Variants in ANKS3 observed in about 807,000 individuals in gnomAD.
The protein encoded by ANKS3 is ankyrin repeat and SAM domain-containing protein 3.
ANKS3 carries 62 observed loss-of-function variants against 80.7 expected under a neutral mutation model. That is an observed-to-expected ratio of 0.77 (90% CI 0.63 to 0.95). The LOEUF is 0.95. Among genes scored for constraint, ANKS3 ranks in the 40% least tolerant of loss-of-function variants. ANKS3 has a pLI of 0.00. For missense variants in ANKS3, 1,150 were observed against 883.6 expected, an observed-to-expected ratio of 1.30 and a Z score of -3.82; for synonymous variants, 489 against 355.3, an observed-to-expected ratio of 1.38 and a Z score of -4.23.
intron 8 of ANKS3, among the ~76,000 whole-genome samples, chr16:4,703,915 T>C (rs899189978): frequency 1.3e-5 from 2 of 152,238 alleles, no homozygotes; most frequent in Admixed American, 1.3e-4. Context: ...TACAGCTATA[T>C]AGATTAATTA....
Position 4,701,080 on chromosome 16 carries a change from T to C in ANKS3, c.1174A>G (p.Lys392Glu). ...CACTGGCTGTCAGGATTCTTGGTCT[T>C]CATGTAACTTTTAGCTTGTTTGCGA... is the stretch of plus-strand genomic sequence containing the variant. ...SARKQAKSYM[K>E]TKNPDSQWPP... Residue 392 changes from lysine to glutamate, a missense_variant, in exon 11 of 18, where the codon AAG becomes GAG. Physicochemically the swap from Lys to Glu is moderately conservative, Grantham distance 56. Coordinates refer to ENST00000304283, the MANE Select transcript of ANKS3 (RefSeq NM_133450.4). 1 of 1,614,076 alleles carries C rather than the reference T, an allele frequency of 6.2e-7. No individual in the cohort carries two copies. Among genetic ancestry groups the C allele is most frequent in the Non-Finnish European group, 8.5e-7 (1 of 1,180,020 alleles).
intron 8 of ANKS3, 40 bp downstream of exon 8, chr16:4,705,055 T>A (rs765773002): frequency 1.9e-6 from 3 of 1,602,648 alleles, no homozygotes; most frequent in Non-Finnish European, 2.6e-6. Context: ...AATCCTGGTA[T>A]GCAATGAGAA....
chr16:4,716,491 G>C (rs1371806960), intron 6 of ANKS3, among the ~76,000 whole-genome samples: 1 of 152,118 alleles, frequency 6.6e-6, no homozygotes, highest in Non-Finnish European at 1.5e-5. Flanking sequence ...GGGAGGCAGA[G>C]GTGGTCTCTG....
intron 15 of ANKS3, 119 bp from the exon 16 acceptor site, chr16:4,697,535 G>T: frequency 1.2e-6 from 1 of 820,924 alleles, no homozygotes; most frequent in Non-Finnish European, 1.8e-6. Flanking sequence ...CTACCCGCCT[G>T]ACAGTGTCTA....
intron 9 of ANKS3, 162 bp from the exon 10 acceptor site, chr16:4,701,705 T>C (rs2079916516): frequency 3.4e-6 from 2 of 587,392 alleles, no homozygotes; most frequent in Non-Finnish European, 2.9e-6. Flanking sequence ...CTCCCCTCTA[T>C]ACAGACGGGC....
intron 3 of ANKS3, 26 bp downstream of exon 3, chr16:4,729,954 A>G (rs781668680): frequency 6.9e-7 from 1 of 1,453,106 alleles, no homozygotes; most frequent in East Asian, 2.5e-5. Context: ...TCAAAATGTG[A>G]GAGGAAGTTC....
chr16:4,706,564 A>G (rs1274779999), intron 7 of ANKS3, among the ~76,000 whole-genome samples: 1 of 152,196 alleles, frequency 6.6e-6, no homozygotes, highest in African/African-American at 2.4e-5. Flanking sequence ...AAAGCATGGC[A>G]TGTGTTTGCT....
At chr16:4,708,531 A>T (rs925695564) in intron 7 of ANKS3, among the ~76,000 whole-genome samples, 11 of 152,246 alleles carry the variant, frequency 7.2e-5, no homozygotes, top group African/African-American at 2.4e-4. Flanking sequence ...AAATAAAAAT[A>T]AAAGCAGAAA....
At position 4,696,722 on chromosome 16, in the gene ANKS3, C is replaced by G. The variant is rs963896555; in HGVS notation, c.*186G>C. On this transcript the variant is annotated 3_prime_UTR_variant, in exon 18 of 18. Coordinates refer to ENST00000304283, the MANE Select transcript of ANKS3 (RefSeq NM_133450.4). ...CCCTCGTCCCGCCTCAGTGCTGGCC[C>G]GAGCTGCCGAGCCAGGGCCGCAGCC... 6 of 479,814 alleles carry G rather than the reference C, an allele frequency of 1.3e-5. No homozygotes were observed. The East Asian group carries it at 1.6e-4, about 13-fold the overall frequency. 29.7% of individuals were successfully genotyped at this position (479,814 alleles called of 1,614,324 possible). A position where few individuals can be genotyped will look rare whatever the true frequency, so the allele number is the denominator to read the frequency against.
chr16:4,697,320 C>T lies in ANKS3; in HGVS notation c.1894+13G>A. ...AAAAGGAGCGCTCAGTCGTCTGGTCCCCGGAGACTCACCCATCTCACGGAC... is the reference window on the plus strand; with the variant it reads ...AAAAGGAGCGCTCAGTCGTCTGGTCTCCGGAGACTCACCCATCTCACGGAC... On this transcript the variant is annotated intron_variant, in intron 16 of 17. Coordinates refer to ENST00000304283, the MANE Select transcript of ANKS3 (RefSeq NM_133450.4). 1.3e-6 allele frequency: 2 copies of T among 1,596,080 alleles called. No homozygotes were observed. Among genetic ancestry groups the T allele is most frequent in the Non-Finnish European group, 1.7e-6 (2 of 1,169,696 alleles).
chr16:4,731,925 G>C (rs911883405), intron 1 of ANKS3, among the ~76,000 whole-genome samples: 1 of 152,164 alleles, frequency 6.6e-6, no homozygotes, highest in African/African-American at 2.4e-5. Flanking sequence ...AGGAAACAAG[G>C]GTAGGAAAGG....
chr16:4,721,301 T>C (rs369260866), intron 6 of ANKS3, among the ~76,000 whole-genome samples: 4 of 126,200 alleles, frequency 3.2e-5, no homozygotes, highest in Admixed American at 1.7e-4. Context: ...CAAGACGCCA[T>C]CTCAAAAAAA....
chr16:4,722,717 A>C (rs2081166430), intron 6 of ANKS3, among the ~76,000 whole-genome samples: 1 of 151,970 alleles, frequency 6.6e-6, no homozygotes, highest in South Asian at 2.1e-4. Context: ...CAGGAGTTCA[A>C]GAGCAGCCTG....
chr16:4,732,227 G>A (rs1042947483), intron 1 of ANKS3, among the ~76,000 whole-genome samples: 1 of 152,156 alleles, frequency 6.6e-6, no homozygotes, highest in Admixed American at 6.6e-5. Context: ...TCACTTTGCA[G>A]GTGAGAATCC....
chr16:4,702,894 T>C (rs977977290), intron 8 of ANKS3, among the ~76,000 whole-genome samples: 2 of 152,082 alleles, frequency 1.3e-5, no homozygotes, highest in African/African-American at 4.8e-5. Context: ...TCTCAGCTAC[T>C]TGGGAGGCTG....
rs1310557273 is a variant in ANKS3, at chr16:4,697,339, C to T, written c.1888G>A (p.Glu630Lys). ...LSGALEDRVREMGQALCLVTQ... is the reference protein window; with the variant it reads ...LSGALEDRVRKMGQALCLVTQ... Reference sequence around the variant, plus strand: ...CTGGTCCCCGGAGACTCACCCATCTCACGGACACGGTCCTCCAGGGCTCCC... The same window carrying T: ...CTGGTCCCCGGAGACTCACCCATCTTACGGACACGGTCCTCCAGGGCTCCC... Residue 630 changes from glutamate to lysine, a missense_variant, in exon 16 of 18, where the codon GAG becomes AAG. Physicochemically the swap from Glu to Lys is moderately conservative, Grantham distance 56 (BLOSUM62 1). Transcript: ENST00000304283. The T allele has an allele frequency of 6.2e-7, 1 of 1,605,506 alleles. No homozygotes were observed. Among genetic ancestry groups the T allele is most frequent in the African/African-American group, 1.3e-5 (1 of 74,726 alleles).
In ANKS3 at chr16:4,700,919, A is replaced by C. The variant is rs752829122; in HGVS notation, c.1284+51T>G. On this transcript the variant is annotated intron_variant, in intron 11 of 17. Coordinates refer to ENST00000304283, the MANE Select transcript of ANKS3 (RefSeq NM_133450.4). Reference sequence around the variant, plus strand: ...ATACACAACACATGCCTCCTAAGTCACAAAAAGTGCCGTCTCTGAGTGTAA... The same window carrying C: ...ATACACAACACATGCCTCCTAAGTCCCAAAAAGTGCCGTCTCTGAGTGTAA... 7 of 1,609,092 alleles carry C rather than the reference A, an allele frequency of 4.4e-6. No individual in the cohort carries two copies. In the East Asian group the frequency reaches 1.1e-4, roughly 26 times the overall value.
Position 4,702,229 on chromosome 16 carries a change from G to C in ANKS3, c.882C>G (p.Pro294=). ...APRPRYEQAP[P]RGYVTFNSSG... Reference sequence around the variant, plus strand: ...TGCTGTTGAAGGTGACATAGCCACGGGGAGGAGCCTGCTCTGTGTACAGAA... The same window carrying C: ...TGCTGTTGAAGGTGACATAGCCACGCGGAGGAGCCTGCTCTGTGTACAGAA... Residue 294 remains proline, a synonymous_variant, in exon 9 of 18, where the codon CCC becomes CCG. Transcript: ENST00000304283. 1.3e-6 allele frequency: 2 copies of C among 1,583,458 alleles called. No individual in the cohort carries two copies. Among genetic ancestry groups the C allele is most frequent in the Non-Finnish European group, 1.7e-6 (2 of 1,165,364 alleles).
chr16:4,716,667 C>T (rs918955601), intron 6 of ANKS3, among the ~76,000 whole-genome samples: 2 of 152,146 alleles, frequency 1.3e-5, no homozygotes, highest in African/African-American at 4.8e-5. Context: ...CCTGTAATCC[C>T]AGCACTTTGG....
Sources: allele counts gnomAD v4.1 joint callset (sites outside exome capture counted in the v4.1 genomes callset), GRCh38; gene constraint gnomAD v4.1.1; transcripts MANE v1.5; gene names NCBI Gene and HGNC (gene_info 2026-07-23, HGNC 2026-07-21).